GABBR2: variants seen among roughly 807,000 people sequenced by gnomAD.
The protein encoded by GABBR2 is gamma-aminobutyric acid type B receptor subunit 2, also known as G-protein coupled receptor 51.
In GABBR2, 23 loss-of-function variants were observed where a neutral mutation model predicts 105.6. The ratio of observed to expected loss-of-function variants is 0.22; its 90% confidence interval spans 0.16 to 0.31. The LOEUF is 0.31. GABBR2 is among the 10% of genes least tolerant of loss of function. The pLI, the probability that GABBR2 is intolerant of heterozygous loss-of-function variation, is 1.00. For missense variants in GABBR2, 734 were observed against 1,245.5 expected (o/e 0.59, Z 6.18); for synonymous variants, 478 against 499.7 (o/e 0.96, Z 0.58).
chr9:98,646,546 T>C (rs563319813), intron 1 of GABBR2, among the ~76,000 whole-genome samples: 8 of 152,184 alleles, frequency 5.3e-5, no homozygotes, highest in Non-Finnish European at 2.9e-5. Flanking sequence ...TGGATGTTTA[T>C]TGTACTCTGA....
intron 1 of GABBR2, among the ~76,000 whole-genome samples, chr9:98,594,233 C>T (rs1999500): frequency 0.71 from 108,040 of 152,074 alleles, 38,411 homozygotes; most frequent in East Asian, 0.78. Flanking sequence ...ACATCTGAAG[C>T]CCTAATGCAC....
At chr9:98,649,289 A>C (rs920825707) in intron 1 of GABBR2, among the ~76,000 whole-genome samples, 2 of 152,196 alleles carry the variant, frequency 1.3e-5, no homozygotes, top group African/African-American at 4.8e-5. Context: ...TCAGAGGCAA[A>C]TGTAGTTTTC....
intron 1 of GABBR2, among the ~76,000 whole-genome samples, chr9:98,592,798 AC>A (rs1278644587): frequency 1.3e-5 from 2 of 152,072 alleles, no homozygotes; most frequent in African/African-American, 4.8e-5. Flanking sequence ...AAGTCCAGTA[AC>A]TCTCCAGGTT....
At position 98,593,315 on chromosome 9, in the gene GABBR2, C is replaced by T. The variant is rs12336162; in HGVS notation, c.322-15243G>A. ...GAGTGCTTCGACCTGATCATGACAT[C>T]GCCAGAGCTGAGGACAGGGACGACG... On this transcript the variant is annotated intron_variant, in intron 1 of 18. Transcript: ENST00000259455. 3.5e-3 allele frequency among the ~76,000 whole-genome samples: 529 copies of T among 152,290 alleles called. 3 individuals carry two copies. Among genetic ancestry groups the T allele is most frequent in the African/African-American group, 0.012 (488 of 41,558 alleles).
chr9:98,463,081 G>C, intron 6 of GABBR2, among the ~76,000 whole-genome samples: 1 of 152,194 alleles, frequency 6.6e-6, no homozygotes, highest in Non-Finnish European at 1.5e-5. Flanking sequence ...TAGAGATGGG[G>C]TTTCACTATG....
intron 16 of GABBR2, among the ~76,000 whole-genome samples, chr9:98,299,865 T>C (rs1421934418): frequency 1.3e-5 from 2 of 152,144 alleles, no homozygotes; most frequent in African/African-American, 4.8e-5. Flanking sequence ...CTTGCTACTA[T>C]AATAATATTA....
intron 1 of GABBR2, among the ~76,000 whole-genome samples, chr9:98,681,937 T>C (rs1830554204): frequency 6.6e-6 from 1 of 152,156 alleles, no homozygotes; most frequent in South Asian, 2.1e-4. Context: ...AACCCCTACA[T>C]TGGGCCAGAT....
chr9:98,611,689 T>A (rs774907481), intron 1 of GABBR2, among the ~76,000 whole-genome samples: 6 of 152,192 alleles, frequency 3.9e-5, no homozygotes, highest in Non-Finnish European at 8.8e-5. Context: ...CACACACCAC[T>A]TTCTTAGAAA....
At chr9:98,492,362 A>AAAAAAAAAAAAAAAAAAAAAAAAAAG (rs1827194774) in intron 4 of GABBR2, among the ~76,000 whole-genome samples, 1 of 147,280 alleles carries the variant, frequency 6.8e-6, no homozygotes, top group Non-Finnish European at 1.5e-5. Flanking sequence ...AAAAAAAAAA[A>AAAAAAAAAAAAAAAAAAAAAAAAAAG]AAAAAAAAAA....
chr9:98,350,178 A>AG (rs1491329003), intron 13 of GABBR2, among the ~76,000 whole-genome samples: 2 of 12,344 alleles, frequency 1.6e-4, no homozygotes, highest in African/African-American at 6.0e-4. Flanking sequence ...TTATCTTCTC[A>AG]AAAAAAAAAA....
At chr9:98,479,531 G>C (rs528499914) in intron 5 of GABBR2, among the ~76,000 whole-genome samples, 2 of 152,250 alleles carry the variant, frequency 1.3e-5, no homozygotes, top group Non-Finnish European at 2.9e-5. Flanking sequence ...CCCTTCTCCC[G>C]GCTAAATCAG....
At chr9:98,699,592 GCCTAGGGGGAC>G (rs1465198691) in intron 1 of GABBR2, among the ~76,000 whole-genome samples, 1 of 152,156 alleles carries the variant, frequency 6.6e-6, no homozygotes, top group African/African-American at 2.4e-5. Context: ...CTGAGATAGT[GCCTAGGGGGAC>G]CACAGAGGAG....
intron 1 of GABBR2, among the ~76,000 whole-genome samples, chr9:98,590,599 C>T (rs140531817): frequency 1.5e-3 from 234 of 152,326 alleles, no homozygotes; most frequent in Non-Finnish European, 1.9e-3. Context: ...GAGAGGGGTG[C>T]TCTTTTCTGC....
At chr9:98,642,937 G>A (rs1019734955) in intron 1 of GABBR2, among the ~76,000 whole-genome samples, 7 of 151,970 alleles carry the variant, frequency 4.6e-5, no homozygotes, top group Admixed American at 6.6e-5. Flanking sequence ...TGTCTCCCTC[G>A]CCTCTCTCTA....
chr9:98,633,803 T>A (rs1400525905), intron 1 of GABBR2, among the ~76,000 whole-genome samples: 1 of 152,034 alleles, frequency 6.6e-6, no homozygotes, highest in South Asian at 2.1e-4. Context: ...GCAAGGTGGA[T>A]GGAGAGTCCC....
chr9:98,362,705 G>T lies in GABBR2; in HGVS notation c.1893+10C>A. 2 of 1,525,004 alleles carry T rather than the reference G, an allele frequency of 1.3e-6. No individual in the cohort carries two copies. The highest frequency in any genetic ancestry group is 1.3e-5 in the South Asian group (1 of 74,282). The allele number at this position is 1,525,004 out of a possible 1,614,324, so 94.5% of individuals were successfully genotyped here. ...TGCAGGCTTCCCTCCTGCCGGCATG[G>T]AGGGCTTACCTCCATGCTGTACTTC... is the stretch of plus-strand genomic sequence containing the variant. On this transcript the variant is annotated intron_variant, in intron 13 of 18. Transcript: ENST00000259455.
At chr9:98,330,718 C>T (rs1831009367) in intron 13 of GABBR2, among the ~76,000 whole-genome samples, 8 of 152,178 alleles carry the variant, frequency 5.3e-5, no homozygotes, top group Admixed American at 5.2e-4. Flanking sequence ...CCTTATGTAT[C>T]TTTTCCTGTC....
At chr9:98,641,579 G>C (rs1283090338) in intron 1 of GABBR2, among the ~76,000 whole-genome samples, 1 of 152,176 alleles carries the variant, frequency 6.6e-6, no homozygotes, top group Admixed American at 6.5e-5. Flanking sequence ...AAAGCAACGG[G>C]CATGCATGTG....
chr9:98,434,107 C>T (rs1825861205), intron 7 of GABBR2, among the ~76,000 whole-genome samples: 1 of 152,152 alleles, frequency 6.6e-6, no homozygotes, highest in Non-Finnish European at 1.5e-5. Flanking sequence ...AGAATAAAAG[C>T]AGGCAGAAGA....
Sources: gnomAD v4.1 joint callset for allele counts (sites outside exome capture counted in the v4.1 genomes callset) on GRCh38, gnomAD v4.1.1 for gene constraint, MANE v1.5 for transcripts, NCBI Gene and HGNC (gene_info 2026-07-23, HGNC 2026-07-21) for gene names.